The following ATAD1 variants were observed in gnomAD, a reference collection of about 807,000 sequenced individuals.
The protein encoded by ATAD1 is ATPase family AAA domain containing 1.
In ATAD1, 18 loss-of-function variants were observed where a neutral mutation model predicts 42.7. That is an observed-to-expected ratio of 0.42 (90% CI 0.29 to 0.63). The LOEUF (loss-of-function observed/expected upper bound fraction) is 0.63, where lower values mean the gene tolerates loss of function less well. Among genes scored for constraint, ATAD1 ranks in the 20% least tolerant of loss-of-function variants. The pLI is 0.19. For missense variants in ATAD1, 294 were observed against 440.4 expected (o/e 0.67, Z 2.98); for synonymous variants, 132 against 143.1 (o/e 0.92, Z 0.55).
intron 3 of ATAD1, 82 bp downstream of exon 3, chr10:87,792,575 T>A: frequency 9.9e-7 from 1 of 1,014,820 alleles, no homozygotes; most frequent in Non-Finnish European, 1.5e-6. Flanking sequence ...AACCCGGCCG[T>A]GATCTTTAAG....
intron 5 of ATAD1, among the ~76,000 whole-genome samples, chr10:87,783,654 A>G (rs79361819): frequency 0.096 from 14,547 of 151,506 alleles, 939 homozygotes; most frequent in Non-Finnish European, 0.14. Flanking sequence ...ATAACTATAT[A>G]TATTTATATA....
At position 87,818,218 on chromosome 10, in the gene ATAD1, A is replaced by C; in HGVS notation, c.-65T>G. The C allele has an allele frequency of 1.0e-6, 1 of 985,570 alleles. No homozygotes were observed. Among genetic ancestry groups the C allele is most frequent in the Non-Finnish European group, 1.2e-6 (1 of 830,016 alleles). 61.1% of individuals were successfully genotyped at this position (985,570 alleles called of 1,614,324 possible). A position where few individuals can be genotyped will look rare whatever the true frequency, so the allele number is the denominator to read the frequency against. On this transcript the variant is annotated 5_prime_UTR_variant, in exon 1 of 10. Coordinates refer to ENST00000680024, the MANE Select transcript of ATAD1 (RefSeq NM_001321967.2). The stretch of plus-strand genomic sequence containing the variant: ...TGCCCTCAGCCGGCCTCACACAGGA[A>C]GGAAACGCAACCTGGGAGAGAACGC...
chr10:87,781,571 G>A (rs1278585044), intron 5 of ATAD1, among the ~76,000 whole-genome samples: 1 of 152,154 alleles, frequency 6.6e-6, no homozygotes, highest in Non-Finnish European at 1.5e-5. Flanking sequence ...AAAACAGTAT[G>A]TCTTAGAATT....
intron 5 of ATAD1, among the ~76,000 whole-genome samples, chr10:87,779,320 AAAACAAAATAAAT>A (rs1215788923): frequency 4.1e-4 from 31 of 76,372 alleles, no homozygotes; most frequent in Non-Finnish European, 8.6e-4. Flanking sequence ...AAAATAAAAT[AAAACAAAATAAAT>A]AAAATAAAAT....
intron 8 of ATAD1, among the ~76,000 whole-genome samples, chr10:87,765,989 G>A (rs1854725391): frequency 6.6e-6 from 1 of 151,766 alleles, no homozygotes; most frequent in South Asian, 2.1e-4. Context: ...AGTGAGCCCT[G>A]ATCACACCAC....
intron 4 of ATAD1, among the ~76,000 whole-genome samples, chr10:87,787,775 C>G (rs1376734001): frequency 6.6e-6 from 1 of 152,074 alleles, no homozygotes; most frequent in African/African-American, 2.4e-5. Flanking sequence ...AAATACACAT[C>G]TATATAAATT....
chr10:87,756,399 G>C (rs1854224528), intron 9 of ATAD1, among the ~76,000 whole-genome samples: 2 of 152,268 alleles, frequency 1.3e-5, no homozygotes, highest in South Asian at 2.1e-4. Flanking sequence ...CTATACTTTG[G>C]AACTGGTTCC....
At chr10:87,825,326 T>TC (rs1857705663) in intron 1 of ATAD1, among the ~76,000 whole-genome samples, 1 of 150,980 alleles carries the variant, frequency 6.6e-6, no homozygotes, top group Non-Finnish European at 1.5e-5. Context: ...TTTTTTTTTT[T>TC]TGAGATGGAG....
intron 8 of ATAD1, among the ~76,000 whole-genome samples, chr10:87,757,396 T>C (rs1854275372): frequency 6.6e-6 from 1 of 152,134 alleles, no homozygotes; most frequent in Non-Finnish European, 1.5e-5. Flanking sequence ...GTCAAGCCAA[T>C]TAAGTGACTG....
At chr10:87,764,423 C>G (rs1438571571) in intron 8 of ATAD1, among the ~76,000 whole-genome samples, 1 of 152,124 alleles carries the variant, frequency 6.6e-6, no homozygotes, top group Admixed American at 6.6e-5. Context: ...GATCACGCCA[C>G]TGTACTCCAG....
intron 2 of ATAD1, among the ~76,000 whole-genome samples, chr10:87,795,371 T>A (rs1856332475): frequency 6.6e-6 from 1 of 152,064 alleles, no homozygotes; most frequent in Non-Finnish European, 1.5e-5. Context: ...AACAAAATTA[T>A]GATTGGACTA....
intron 5 of ATAD1, among the ~76,000 whole-genome samples, chr10:87,778,906 A>C (rs546107828): frequency 6.6e-6 from 1 of 152,350 alleles, no homozygotes; most frequent in African/African-American, 2.4e-5. Context: ...TAAAACACAA[A>C]ACTATAAAAC....
At chr10:87,805,810 G>A (rs1856896304) in intron 2 of ATAD1, among the ~76,000 whole-genome samples, 1 of 150,286 alleles carries the variant, frequency 6.7e-6, no homozygotes, top group African/African-American at 2.5e-5. Context: ...GAATGACCAT[G>A]TTCTTTTACC....
chr10:87,779,465 G>A (rs1476543138), intron 5 of ATAD1, among the ~76,000 whole-genome samples: 2 of 152,130 alleles, frequency 1.3e-5, no homozygotes, highest in Non-Finnish European at 2.9e-5. Context: ...AACTCTTAAA[G>A]TTCAACAATA....
intron 1 of ATAD1, chr10:87,831,991 AC>A (rs1298783780): frequency 6.6e-6 from 1 of 151,556 alleles, no homozygotes; most frequent in Non-Finnish European, 1.5e-5. Flanking sequence ...CCAGGATTGT[AC>A]CTGGGCTATC....
At chr10:87,791,912 T>C (rs963895504) in intron 3 of ATAD1, among the ~76,000 whole-genome samples, 4 of 152,214 alleles carry the variant, frequency 2.6e-5, no homozygotes, top group African/African-American at 7.2e-5. Flanking sequence ...AGGCCATTAA[T>C]GGAAAACCTG....
chr10:87,797,844 ATC>A lies in ATAD1; in HGVS notation c.163-5091_163-5090del, dbSNP rs141304711. On this transcript the variant is annotated intron_variant, in intron 2 of 9. Coordinates refer to ENST00000680024, the MANE Select transcript of ATAD1 (RefSeq NM_001321967.2). ...TCTATCGCCTTTTCTACCAAAATTA[ATC>A]TCTGTTTGGCTTTTCTGCGCACATT... 2.0e-4 allele frequency among the ~76,000 whole-genome samples: 31 copies of A among 152,222 alleles called. No homozygotes were observed. In the East Asian group the frequency reaches 5.0e-3, roughly 25 times the overall value.
At chr10:87,775,292 A>G (rs543013159) in intron 6 of ATAD1, among the ~76,000 whole-genome samples, 1 of 151,214 alleles carries the variant, frequency 6.6e-6, no homozygotes, top group Non-Finnish European at 1.5e-5. Flanking sequence ...ATGGTAGTGC[A>G]CGTCTGTAAC....
Position 87,814,543 on chromosome 10 carries a change from T to G in ATAD1, c.57A>C (p.Leu19Phe), listed in dbSNP as rs771356586. ...RPLSRNEVVG[L>F]IFRLTIFGAV... is the part of the protein sequence containing the mutation. ...CACCAAATATTGTCAAACGGAAAATTAAACCAACAACTTCATTCCGACTCA... is the reference window on the plus strand; with the variant it reads ...CACCAAATATTGTCAAACGGAAAATGAAACCAACAACTTCATTCCGACTCA... Residue 19 changes from leucine to phenylalanine, a missense_variant, in exon 2 of 10, where the codon TTA becomes TTC. Around this residue, in one of 3 missense-constraint regions of ATAD1, gnomAD observed 121 missense variants for 187.3 expected, o/e 0.65. Transcript: ENST00000680024. 8 of 1,612,308 alleles carry G rather than the reference T, an allele frequency of 5.0e-6. No homozygotes were observed. Among genetic ancestry groups the G allele is most frequent in the Non-Finnish European group, 6.8e-6 (8 of 1,179,162 alleles).
Sources: allele counts gnomAD v4.1 joint callset (sites outside exome capture counted in the v4.1 genomes callset), GRCh38; gene constraint gnomAD v4.1.1; regional missense constraint gnomAD v4.1.1; transcripts MANE v1.5; gene names NCBI Gene and HGNC (gene_info 2026-07-23, HGNC 2026-07-21).